DNAH11: variants seen among roughly 807,000 people sequenced by gnomAD.
DNAH11 encodes the protein axonemal beta dynein heavy chain 11.
A neutral mutation model predicts 526.0 loss-of-function variants in DNAH11; 442 were observed. The ratio of observed to expected loss-of-function variants is 0.84; its 90% CI spans 0.78 to 0.91. DNAH11 has a LOEUF of 0.91. Ranked by LOEUF, DNAH11 falls within the 40% of genes least tolerant of loss-of-function variation. The pLI, the probability that DNAH11 is intolerant of heterozygous loss-of-function variation, is 0.00. For synonymous variants in DNAH11, 2,461 were observed against 1,935.9 expected (o/e 1.27, Z -7.12); for missense variants, 6,989 against 5,448.7 (o/e 1.28, Z -8.90).
intron 28 of DNAH11, among the ~76,000 whole-genome samples, chr7:21,639,815 C>T (rs146945031): frequency 1.5e-3 from 231 of 152,174 alleles, no homozygotes; most frequent in Non-Finnish European, 2.5e-3. Flanking sequence ...GTGTATATTA[C>T]AGATTATTTT....
rs117353556 is a variant in DNAH11, at chr7:21,701,244, A to G, written c.6181-1466A>G. 4.3e-3 allele frequency among the ~76,000 whole-genome samples: 646 copies of G among 151,814 alleles called. 4 individuals carry two copies. Among genetic ancestry groups the G allele is most frequent in the Middle Eastern group, 0.01 (3 of 290 alleles). Reference sequence around the variant, plus strand: ...ATTCTTCTATTGTGACTCAGTGCATACACACATGTACAACTGAACCAAAAA... The same window carrying G: ...ATTCTTCTATTGTGACTCAGTGCATGCACACATGTACAACTGAACCAAAAA... On this transcript the variant is annotated intron_variant, in intron 36 of 81. Coordinates refer to ENST00000409508, the MANE Select transcript of DNAH11 (RefSeq NM_001277115.2).
intron 77 of DNAH11, among the ~76,000 whole-genome samples, chr7:21,893,327 TC>T (rs914067717): frequency 4.0e-5 from 6 of 150,078 alleles, no homozygotes; most frequent in African/African-American, 1.5e-4. Flanking sequence ...ACTTGCTCTA[TC>T]TTTTTTGTGA....
At chr7:21,856,940 C>G (rs556312977) in intron 68 of DNAH11, among the ~76,000 whole-genome samples, 4 of 152,276 alleles carry the variant, frequency 2.6e-5, no homozygotes, top group South Asian at 2.1e-4. Flanking sequence ...ATATCTTTCT[C>G]TCAGCACATC....
intron 65 of DNAH11, among the ~76,000 whole-genome samples, chr7:21,820,055 G>A (rs1233412455): frequency 6.6e-6 from 1 of 152,156 alleles, no homozygotes; most frequent in Admixed American, 6.5e-5. Flanking sequence ...ACTTGTTTGA[G>A]GGTGAATCTC....
At chr7:21,759,560 A>C (rs965002882) in intron 54 of DNAH11, among the ~76,000 whole-genome samples, 1 of 152,186 alleles carries the variant, frequency 6.6e-6, no homozygotes, top group Non-Finnish European at 1.5e-5. Context: ...TCAGGTTTAG[A>C]CTTGATTATT....
chr7:21,762,935 A>G (rs1386179159), intron 54 of DNAH11, among the ~76,000 whole-genome samples: 1 of 152,190 alleles, frequency 6.6e-6, no homozygotes, highest in Non-Finnish European at 1.5e-5. Context: ...AAGACAACCT[A>G]TGTGAAATGG....
rs190110440 is a variant in DNAH11, at chr7:21,579,870, C to A, written c.1594-2035C>A. 4.6e-4 allele frequency among the ~76,000 whole-genome samples: 70 copies of A among 152,174 alleles called. 1 individual carries two copies. The highest frequency in any genetic ancestry group is 1.6e-3 in the African/African-American group (67 of 41,522). On this transcript the variant is annotated intron_variant, in intron 8 of 81. Transcript: ENST00000409508. ...GTAGTTAGAAAGTGATTAACAGATA[C>A]CCAGATGAGCAATAATGGTGACTTG...
intron 2 of DNAH11, among the ~76,000 whole-genome samples, chr7:21,546,745 A>G (rs1311128705): frequency 2.0e-5 from 3 of 152,226 alleles, no homozygotes; most frequent in Admixed American, 2.0e-4. Flanking sequence ...ATAATTGTGA[A>G]TGCTTACCAA....
chr7:21,589,083 T>C, intron 11 of DNAH11, 125 bp from the exon 12 acceptor site: 4 of 727,344 alleles, frequency 5.5e-6, no homozygotes, highest in Non-Finnish European at 4.1e-6. Flanking sequence ...TAATTTGGTC[T>C]TGACTGTTTC....
At chr7:21,876,878 A>G (rs1413602407) in intron 74 of DNAH11, among the ~76,000 whole-genome samples, 1 of 152,250 alleles carries the variant, frequency 6.6e-6, no homozygotes, top group Non-Finnish European at 1.5e-5. Context: ...CCTAGCTGCA[A>G]GAGAGGCTGG....
chr7:21,838,217 C>G lies in DNAH11; in HGVS notation c.10692-4327C>G, dbSNP rs1312932136. Among the ~76,000 whole-genome samples, 7 of 152,300 alleles carry G rather than the reference C, an allele frequency of 4.6e-5. No homozygotes were observed. The East Asian group carries it at 1.4e-3, about 29-fold the overall frequency. On this transcript the variant is annotated intron_variant, in intron 65 of 81. Transcript: ENST00000409508. ...GAGGCAGGTTAATTTAGAAAGATGTCCTTATCAAACAAGATTATCCTGTGA... is the reference window on the plus strand; with the variant it reads ...GAGGCAGGTTAATTTAGAAAGATGTGCTTATCAAACAAGATTATCCTGTGA...
rs1160388289 is a variant in DNAH11, at chr7:21,702,755, G to A, written c.6226G>A (p.Val2076Met). ...GLRAIKSVLVVAGSLKRGDKN... is the reference protein window; with the variant it reads ...GLRAIKSVLVMAGSLKRGDKN... The stretch of plus-strand genomic sequence containing the variant: ...TCGTGCTATTAAGTCTGTCTTGGTT[G>A]TGGCTGGATCTCTGAAACGAGGAGA... Residue 2076 changes from valine to methionine, a missense_variant, in exon 37 of 82, where the codon GTG becomes ATG. Coordinates refer to ENST00000409508, the MANE Select transcript of DNAH11 (RefSeq NM_001277115.2). The A allele has an allele frequency of 6.2e-7, 1 of 1,613,678 alleles. No homozygotes were observed. Among genetic ancestry groups the A allele is most frequent in the Non-Finnish European group, 8.5e-7 (1 of 1,179,764 alleles).
At chr7:21,686,556 T>G (rs1268450283) in intron 32 of DNAH11, among the ~76,000 whole-genome samples, 1 of 152,240 alleles carries the variant, frequency 6.6e-6, no homozygotes, top group African/African-American at 2.4e-5. Context: ...CAAAGGAATT[T>G]GTAAAATATA....
intron 8 of DNAH11, among the ~76,000 whole-genome samples, chr7:21,579,722 C>T (rs1009295100): frequency 8.6e-5 from 13 of 151,876 alleles, no homozygotes; most frequent in South Asian, 2.1e-4. Flanking sequence ...CTGACAATTC[C>T]GAATTAAGAT....
At chr7:21,606,273 A>G (rs1010231025) in intron 18 of DNAH11, among the ~76,000 whole-genome samples, 153 bp from the exon 19 acceptor site, 1 of 151,996 alleles carries the variant, frequency 6.6e-6, no homozygotes, top group Non-Finnish European at 1.5e-5. Flanking sequence ...CAGTGAGCTG[A>G]GATCATGCCA....
chr7:21,885,447 A>G (rs990470776), intron 76 of DNAH11, among the ~76,000 whole-genome samples: 3 of 152,006 alleles, frequency 2.0e-5, no homozygotes, highest in Non-Finnish European at 2.9e-5. Context: ...AGTGGTTACC[A>G]GAGACTGGGG....
At chr7:21,633,590 C>G (rs548218617) in intron 25 of DNAH11, among the ~76,000 whole-genome samples, 1 of 152,042 alleles carries the variant, frequency 6.6e-6, no homozygotes, top group African/African-American at 2.4e-5. Context: ...TTTATTTATT[C>G]ATTGAGCACC....
intron 66 of DNAH11, among the ~76,000 whole-genome samples, chr7:21,848,569 T>C (rs1782508315): frequency 6.6e-6 from 1 of 152,184 alleles, no homozygotes; most frequent in African/African-American, 2.4e-5. Context: ...GAGCACTTTG[T>C]ATGATTCCAG....
At chr7:21,642,701 C>T (rs1005757959) in intron 28 of DNAH11, among the ~76,000 whole-genome samples, 2 of 152,238 alleles carry the variant, frequency 1.3e-5, no homozygotes, top group East Asian at 1.9e-4. Context: ...ATTTTCCAGG[C>T]GTCCCTCCTT....
Sources: gnomAD v4.1 joint callset for allele counts (sites outside exome capture counted in the v4.1 genomes callset) on GRCh38, gnomAD v4.1.1 for gene constraint, MANE v1.5 for transcripts, NCBI Gene and HGNC (gene_info 2026-07-23, HGNC 2026-07-21) for gene names.